LRMDA: variants seen among roughly 807,000 people sequenced by gnomAD.
LRMDA encodes the protein leucine rich melanocyte differentiation associated.
In LRMDA, 18 loss-of-function variants were observed where a neutral mutation model predicts 29.8. That is an observed-to-expected ratio of 0.60 (90% CI 0.42 to 0.90). LRMDA has a LOEUF of 0.90. Among genes scored for constraint, LRMDA ranks in the 40% least tolerant of loss-of-function variants. The pLI is 0.00. For synonymous variants in LRMDA, 125 were observed against 109.4 expected (o/e 1.14, Z -0.89); for missense variants, 273 against 273.9 (o/e 1.00, Z 0.02).
At chr10:75,738,589 A>G (rs1260904892) in intron 2 of LRMDA, among the ~76,000 whole-genome samples, 2 of 152,110 alleles carry the variant, frequency 1.3e-5, no homozygotes, top group African/African-American at 4.8e-5. Flanking sequence ...AAACGCCTTG[A>G]CTTGGGTGGC....
At chr10:76,555,583 C>T (rs1264960157) in intron 6 of LRMDA, among the ~76,000 whole-genome samples, 2 of 152,174 alleles carry the variant, frequency 1.3e-5, no homozygotes, top group African/African-American at 4.8e-5. Flanking sequence ...GCCATCCAAA[C>T]CAGGGAGCAT....
At chr10:76,397,522 G>A (rs1257603723) in intron 6 of LRMDA, among the ~76,000 whole-genome samples, 1 of 152,160 alleles carries the variant, frequency 6.6e-6, no homozygotes, top group African/African-American at 2.4e-5. Flanking sequence ...AAGCTTGGCT[G>A]GACATAAAAG....
chr10:75,693,317 C>T (rs754848861), intron 2 of LRMDA, among the ~76,000 whole-genome samples: 2 of 152,150 alleles, frequency 1.3e-5, no homozygotes, highest in Non-Finnish European at 2.9e-5. Context: ...CAGAGAACCA[C>T]AATGTAGCTA....
chr10:75,676,494 A>G (rs73280852), intron 2 of LRMDA, among the ~76,000 whole-genome samples: 6,049 of 152,260 alleles, frequency 0.04, 305 homozygotes, highest in African/African-American at 0.12. Context: ...TGTTTGTACT[A>G]GGCCACATCA....
rs906576920 is a variant in LRMDA, at chr10:76,259,329, G to C, written c.517-65072G>C. Among the ~76,000 whole-genome samples the C allele has an allele frequency of 3.3e-5, 5 of 151,988 alleles. No individual in the cohort carries two copies. The South Asian group carries it at 6.2e-4, about 19-fold the overall frequency. ...TCTTAATTTTTTCCTTCACTCATTG[G>C]TTGTTCAGGAGTATGTTGTTTAATT... On this transcript the variant is annotated intron_variant, in intron 5 of 6. Transcript: ENST00000611255.
chr10:76,198,928 G>GCAAT (rs1851379104), intron 5 of LRMDA, among the ~76,000 whole-genome samples: 1 of 152,184 alleles, frequency 6.6e-6, no homozygotes, highest in Non-Finnish European at 1.5e-5. Context: ...TTGAATTAAT[G>GCAAT]CAATCAAATG....
intron 2 of LRMDA, among the ~76,000 whole-genome samples, chr10:75,507,804 A>G (rs1845185799): frequency 1.3e-5 from 2 of 152,302 alleles, no homozygotes; most frequent in African/African-American, 4.8e-5. Context: ...TCTTTTATAT[A>G]TATTTTAGAA....
chr10:75,876,225 G>A (rs946081886), intron 2 of LRMDA, among the ~76,000 whole-genome samples: 14 of 152,326 alleles, frequency 9.2e-5, no homozygotes, highest in African/African-American at 3.4e-4. Flanking sequence ...TGGGGAGCTG[G>A]CTAAGGAATT....
intron 2 of LRMDA, among the ~76,000 whole-genome samples, chr10:75,984,153 C>T (rs1172969730): frequency 1.3e-5 from 2 of 152,192 alleles, no homozygotes; most frequent in African/African-American, 4.8e-5. Flanking sequence ...CATGATTTAC[C>T]TGGGTTCTTG....
intron 6 of LRMDA, among the ~76,000 whole-genome samples, chr10:76,372,640 A>ATAAAATAAAAAATAAAC (rs1841468258): frequency 1.3e-5 from 2 of 152,022 alleles, no homozygotes; most frequent in Admixed American, 1.3e-4. Flanking sequence ...AAAAAATAAA[A>ATAAAATAAAAAATAAAC]TAAAATAAAA....
intron 2 of LRMDA, among the ~76,000 whole-genome samples, chr10:75,921,202 T>C (rs1846020173): frequency 6.6e-6 from 1 of 152,222 alleles, no homozygotes; most frequent in Non-Finnish European, 1.5e-5. Flanking sequence ...TGACATTACC[T>C]TCCTCAAATA....
chr10:75,872,334 C>T (rs749639164), intron 2 of LRMDA, among the ~76,000 whole-genome samples: 27 of 151,710 alleles, frequency 1.8e-4, no homozygotes, highest in Non-Finnish European at 2.9e-4. Context: ...GATGGAATCT[C>T]GCTCTGTAGC....
At chr10:76,518,735 A>G (rs1290657564) in intron 6 of LRMDA, among the ~76,000 whole-genome samples, 2 of 152,196 alleles carry the variant, frequency 1.3e-5, no homozygotes, top group Admixed American at 6.5e-5. Context: ...AAAAATCTAC[A>G]TAACAGTAAA....
intron 2 of LRMDA, among the ~76,000 whole-genome samples, chr10:75,467,513 C>G (rs372583499): frequency 6.6e-6 from 1 of 152,128 alleles, no homozygotes; most frequent in African/African-American, 2.4e-5. Flanking sequence ...CTGAATTTTT[C>G]CCACGTTTTA....
At chr10:76,243,165 T>C (rs954921724) in intron 5 of LRMDA, among the ~76,000 whole-genome samples, 17 of 152,136 alleles carry the variant, frequency 1.1e-4, no homozygotes, top group Admixed American at 4.6e-4. Context: ...AGCCTCGGAG[T>C]GAACTGTTTA....
intron 5 of LRMDA, among the ~76,000 whole-genome samples, chr10:76,219,853 C>T (rs929884107): frequency 1.3e-5 from 2 of 152,096 alleles, no homozygotes; most frequent in Non-Finnish European, 2.9e-5. Flanking sequence ...CCAAAATTGA[C>T]CACATAGTTG....
intron 5 of LRMDA, among the ~76,000 whole-genome samples, chr10:76,212,090 C>T (rs1316040676): frequency 6.6e-6 from 1 of 152,108 alleles, no homozygotes; most frequent in Non-Finnish European, 1.5e-5. Flanking sequence ...TATAGATTAT[C>T]AAAAGGAAAC....
At chr10:75,516,837 A>G (rs1236309412) in intron 2 of LRMDA, among the ~76,000 whole-genome samples, 1 of 152,124 alleles carries the variant, frequency 6.6e-6, no homozygotes, top group East Asian at 1.9e-4. Flanking sequence ...TTTTAGGTCT[A>G]ACATTTAAGT....
chr10:76,234,608 AG>A (rs1412938818), intron 5 of LRMDA, among the ~76,000 whole-genome samples: 1 of 152,206 alleles, frequency 6.6e-6, no homozygotes, highest in African/African-American at 2.4e-5. Flanking sequence ...TGTTTAGTGT[AG>A]TCACCTTCAT....
Sources: allele counts gnomAD v4.1 joint callset (sites outside exome capture counted in the v4.1 genomes callset), GRCh38; gene constraint gnomAD v4.1.1; transcripts MANE v1.5; gene names NCBI Gene and HGNC (gene_info 2026-07-23, HGNC 2026-07-21).